MED13: variants seen among roughly 807,000 people sequenced by gnomAD.
The protein encoded by MED13 is mediator of RNA polymerase II transcription subunit 13.
MED13 carries 23 observed loss-of-function variants against 225.2 expected under a neutral mutation model. That is an observed-to-expected ratio of 0.10 (90% confidence interval 0.07 to 0.14). The LOEUF is 0.14. Ranked by LOEUF, MED13 falls within the 10% of genes least tolerant of loss-of-function variation. The pLI is 1.00. For missense variants in MED13, 2,197 were observed against 2,594.5 expected, an observed-to-expected ratio of 0.85 and a Z score of 3.33; for synonymous variants, 942 against 889.2, an observed-to-expected ratio of 1.06 and a Z score of -1.06.
In MED13 at chr17:62,035,598, A is replaced by G; in HGVS notation, c.481T>C (p.Ser161Pro). 6.2e-7 allele frequency: 1 copy of G among 1,605,492 alleles called. No homozygotes were observed. Among genetic ancestry groups the G allele is most frequent in the East Asian group, 2.2e-5 (1 of 44,780 alleles). The change falls in exon 4 of 30, where the codon TCC becomes CCC. Residue 161 changes from serine (S) to proline (P), a missense_variant. Physicochemically the swap from Ser to Pro is moderately conservative, Grantham distance 74. Around this residue, in one of 12 missense-constraint regions of MED13, gnomAD observed 884 missense variants for 918.5 expected, o/e 0.96. Transcript: ENST00000397786. ...TGCAAGAAAAAGGTGAAGGAGCAGG[A>G]CAAGTGTTCACTAAAAAAGAAGAAA... ...EKPINKSEHL[S>P]CSFTFFLHGD...
At chr17:62,051,492 G>A (rs1471049376) in intron 3 of MED13, among the ~76,000 whole-genome samples, 2 of 152,074 alleles carry the variant, frequency 1.3e-5, no homozygotes, top group African/African-American at 2.4e-5. Context: ...GTCATTTCCA[G>A]CTGAATGCAT....
At chr17:61,946,724 G>A in intron 29 of MED13, 124 bp from the exon 30 acceptor site, 1 of 1,259,104 alleles carries the variant, frequency 7.9e-7, no homozygotes, top group Non-Finnish European at 1.1e-6. Flanking sequence ...GAGAGTCCTT[G>A]AGGGGAAAGA....
intron 3 of MED13, among the ~76,000 whole-genome samples, chr17:62,046,547 G>T (rs1011003505): frequency 3.9e-5 from 6 of 152,198 alleles, no homozygotes; most frequent in Non-Finnish European, 8.8e-5. Flanking sequence ...CCAATTAAAA[G>T]TTGTATTTTT....
Position 62,029,560 on chromosome 17 carries a change from T to A in MED13, c.1264A>T (p.Thr422Ser), listed in dbSNP as rs1172144387. Residue 422 changes from threonine to serine, a missense_variant, in exon 8 of 30, where the codon ACA (threonine) becomes TCA (serine). Thr to Ser is a moderately conservative substitution (Grantham distance 58, BLOSUM62 1). Coordinates refer to ENST00000397786, the MANE Select transcript of MED13 (RefSeq NM_005121.3). ...ATCTACCTCAAACAACTGCAATTTG[T>A]TCTTTGTGTGGCTTCAACAAAATCC... ...SWDFVEATQR[T>S]NCSCLRHKNL... The A allele has an allele frequency of 1.2e-6, 2 of 1,613,948 alleles. No homozygotes were observed. The highest frequency in any genetic ancestry group is 1.7e-6 in the Non-Finnish European group (2 of 1,179,950).
At chr17:61,974,129 C>T (rs372971198) in intron 16 of MED13, among the ~76,000 whole-genome samples, 3 of 151,986 alleles carry the variant, frequency 2.0e-5, no homozygotes, top group East Asian at 1.9e-4. Flanking sequence ...GCTAACGGGC[C>T]GGGCTTGGGT....
chr17:62,058,121 T>C lies in MED13; in HGVS notation c.301+4946A>G, dbSNP rs185272868. 8.7e-4 allele frequency among the ~76,000 whole-genome samples: 132 copies of C among 152,314 alleles called. 1 individual carries two copies. Among genetic ancestry groups the C allele is most frequent in the Middle Eastern group, 3.4e-3 (1 of 294 alleles). On this transcript the variant is annotated intron_variant, in intron 2 of 29. Coordinates refer to ENST00000397786, the MANE Select transcript of MED13 (RefSeq NM_005121.3). ...CCAGTCCTACCCACCACAGAGATTC[T>C]TGACCAGAGGGACTGAGCTAAGATT...
At chr17:62,015,932 ATATATATATATATATATATATATT>A (rs2080566892) in intron 8 of MED13, among the ~76,000 whole-genome samples, 1 of 7,728 alleles carries the variant, frequency 1.3e-4, no homozygotes, top group Non-Finnish European at 3.5e-4. Flanking sequence ...ATATATATAT[ATATATATATATATATATATATATT>A]TTTTTTTTTT....
chr17:62,031,372 A>C (rs2143677711), intron 6 of MED13, 72 bp downstream of exon 6: 1 of 1,237,438 alleles, frequency 8.1e-7, no homozygotes, highest in East Asian at 2.6e-5. Flanking sequence ...TTCAAAATAA[A>C]TTATTTCTTA....
intron 3 of MED13, among the ~76,000 whole-genome samples, chr17:62,049,114 G>A (rs1370029748): frequency 4.2e-5 from 5 of 119,998 alleles, no homozygotes; most frequent in South Asian, 3.0e-4. Flanking sequence ...GAGAAATGAG[G>A]GATCCAACAA....
intron 8 of MED13, among the ~76,000 whole-genome samples, chr17:62,019,632 C>T (rs1390108673): frequency 6.6e-6 from 1 of 152,170 alleles, no homozygotes; most frequent in Non-Finnish European, 1.5e-5. Flanking sequence ...GGGCTACATA[C>T]TAATAGCAGC....
chr17:62,027,115 C>T (rs1377331784), intron 8 of MED13, among the ~76,000 whole-genome samples: 3 of 152,116 alleles, frequency 2.0e-5, no homozygotes, highest in Non-Finnish European at 4.4e-5. Context: ...TCAAAAAGAG[C>T]CCAAATAGCC....
intron 3 of MED13, among the ~76,000 whole-genome samples, chr17:62,037,994 G>A (rs1026241689): frequency 7.6e-5 from 11 of 144,854 alleles, no homozygotes; most frequent in South Asian, 2.2e-4. Context: ...AAGACACAGC[G>A]GCTAGGAGAC....
chr17:61,964,930 T>A (rs751755296), intron 20 of MED13, 76 bp downstream of exon 20: 3 of 1,339,568 alleles, frequency 2.2e-6, no homozygotes, highest in Non-Finnish European at 3.1e-6. Context: ...AGTGAGACTG[T>A]GTCTCAAGAA....
chr17:61,981,935 T>A (rs1488506609), intron 16 of MED13, among the ~76,000 whole-genome samples: 2 of 152,222 alleles, frequency 1.3e-5, no homozygotes, highest in Non-Finnish European at 2.9e-5. Context: ...CCACTAGCAA[T>A]GTTATGCTAA....
chr17:61,944,991 C>T lies in MED13; in HGVS notation c.*1477G>A, dbSNP rs1280337714. 1 of 152,602 alleles carries T rather than the reference C, an allele frequency of 6.6e-6. No homozygotes were observed. The highest frequency in any genetic ancestry group is 1.5e-5 in the Non-Finnish European group (1 of 68,038). 9.5% of individuals were successfully genotyped at this position (152,602 alleles called of 1,614,324 possible). A position where few individuals can be genotyped will look rare whatever the true frequency, so the allele number is the denominator to read the frequency against. On this transcript the variant is annotated 3_prime_UTR_variant, in exon 30 of 30. Coordinates refer to ENST00000397786, the MANE Select transcript of MED13 (RefSeq NM_005121.3). ...GGGGTGAATTAAAGTCCCTAAAATTCAAGTCCCTTCTTTAGGGAGGTGAGA... is the reference window on the plus strand; with the variant it reads ...GGGGTGAATTAAAGTCCCTAAAATTTAAGTCCCTTCTTTAGGGAGGTGAGA...
intron 24 of MED13, among the ~76,000 whole-genome samples, chr17:61,956,088 TA>T (rs2079941568): frequency 6.6e-6 from 1 of 152,086 alleles, no homozygotes; most frequent in African/African-American, 2.4e-5. Flanking sequence ...GAGGATGAGT[TA>T]AATAACAATC....
rs766799696 is a variant in MED13 at position 61,984,607 on chromosome 17, A to T, written c.2691+44T>A. 5.3e-6 allele frequency: 8 copies of T among 1,496,188 alleles called. 1 individual carries two copies. In the South Asian group the frequency reaches 1.0e-4, roughly 19 times the overall value. 92.7% of individuals were successfully genotyped at this position (1,496,188 alleles called of 1,614,324 possible). The stretch of plus-strand genomic sequence containing the variant: ...TATAGCAACAAATTAATTCTATAAG[A>T]AAATATAGGAAGTGAATTATTTTTC... On this transcript the variant is annotated intron_variant, in intron 14 of 29. Transcript: ENST00000397786.
chr17:61,977,321 T>A (rs562219944), intron 16 of MED13, among the ~76,000 whole-genome samples: 65 of 152,216 alleles, frequency 4.3e-4, no homozygotes, highest in Non-Finnish European at 6.6e-4. Flanking sequence ...GTTATCCACA[T>A]AAATATCTGG....
intron 17 of MED13, 68 bp from the exon 18 acceptor site, chr17:61,968,326 TTTA>T: frequency 9.1e-7 from 1 of 1,096,590 alleles, no homozygotes. Flanking sequence ...TATTTATTTA[TTTA>T]TTTATTTATT....
Sources: gnomAD v4.1 joint callset for allele counts (sites outside exome capture counted in the v4.1 genomes callset) on GRCh38, gnomAD v4.1.1 for gene constraint, gnomAD v4.1.1 regional missense constraint, MANE v1.5 for transcripts, NCBI Gene and HGNC (gene_info 2026-07-23, HGNC 2026-07-21) for gene names.